The following OMA1 variants were observed in gnomAD, a reference collection of about 807,000 sequenced individuals.
OMA1 encodes metalloendopeptidase OMA1, mitochondrial.
OMA1 carries 38 observed loss-of-function variants against 30.9 expected under a neutral mutation model. That is an observed-to-expected ratio of 1.23 (90% confidence interval 0.95 to 1.61). The LOEUF (loss-of-function observed/expected upper bound fraction) is 1.61. Among genes scored for constraint, OMA1 ranks in the 40% most tolerant of loss-of-function variants. OMA1 has a pLI of 0.00. For synonymous variants in OMA1, 173 were observed against 121.9 expected, an observed-to-expected ratio of 1.42 and a Z score of -2.76; for missense variants, 461 against 349.2, an observed-to-expected ratio of 1.32 and a Z score of -2.55.
At chr1:58,507,250 C>T (rs1333269488) in intron 7 of OMA1, among the ~76,000 whole-genome samples, 1 of 151,446 alleles carries the variant, frequency 6.6e-6, no homozygotes, top group Non-Finnish European at 1.5e-5. Flanking sequence ...TTATATTTCC[C>T]AATGATTTTA....
At chr1:58,542,343 T>C (rs886620487) in intron 1 of OMA1, 3 of 152,238 alleles carry the variant, frequency 2.0e-5, no homozygotes, top group Non-Finnish European at 4.4e-5. Flanking sequence ...AAGGTTTTCA[T>C]TGGCTAGGGG....
At chr1:58,517,286 C>A (rs951046411) in intron 7 of OMA1, among the ~76,000 whole-genome samples, 3 of 152,164 alleles carry the variant, frequency 2.0e-5, no homozygotes, top group Non-Finnish European at 2.9e-5. Flanking sequence ...GAAGTTTCTG[C>A]CTATCCTTCA....
At chr1:58,528,508 C>T (rs61781815) in intron 6 of OMA1, among the ~76,000 whole-genome samples, 20,220 of 152,116 alleles carry the variant, frequency 0.13, 1,486 homozygotes, top group African/African-American at 0.19. Context: ...TTTTGTCCTC[C>T]AGGGACATTT....
chr1:58,491,695 C>A lies in OMA1; in HGVS notation c.1366-10521G>T, dbSNP rs557524563. On this transcript the variant is annotated intron_variant, in intron 8 of 8. Transcript: ENST00000371226. ...GCCACTACATAATGGTAAAGGGATC[C>A]ATTCAACAAGAAGAGCTAACTATCC... Among the ~76,000 whole-genome samples the A allele has an allele frequency of 1.3e-3, 197 of 152,168 alleles. 2 individuals are homozygous for A. Among genetic ancestry groups the A allele is most frequent in the Middle Eastern group, 3.4e-3 (1 of 294 alleles).
Position 58,518,294 on chromosome 1 carries a change from A to G in OMA1, c.1215+8967T>C, listed in dbSNP as rs1395850658. Reference sequence around the variant, plus strand: ...AGAGGAGAGGAGAAGAGAAGAGAAGAGAAGAGAAGAGAAGAGAAGAGAAGA... The same window carrying G: ...AGAGGAGAGGAGAAGAGAAGAGAAGGGAAGAGAAGAGAAGAGAAGAGAAGA... On this transcript the variant is annotated intron_variant, in intron 7 of 8. Transcript: ENST00000371226. Among the ~76,000 whole-genome samples, 25 of 41,754 alleles carry G rather than the reference A, an allele frequency of 6.0e-4. 1 individual carries two copies. The highest frequency in any genetic ancestry group is 0.029 in the Middle Eastern group (2 of 70). 27.4% of individuals were successfully genotyped at this position (41,754 alleles called of 152,430 possible). A position where few individuals can be genotyped will look rare whatever the true frequency, so the allele number is the denominator to read the frequency against.
intron 8 of OMA1, among the ~76,000 whole-genome samples, chr1:58,494,593 C>A: frequency 6.6e-6 from 1 of 152,046 alleles, no homozygotes; most frequent in Non-Finnish European, 1.5e-5. Flanking sequence ...ACAACCCCAT[C>A]AAAAAGTGGG....
chr1:58,516,387 A>AT (rs1646158314), intron 7 of OMA1, among the ~76,000 whole-genome samples: 1 of 152,238 alleles, frequency 6.6e-6, no homozygotes, highest in Non-Finnish European at 1.5e-5. Flanking sequence ...TGACAAATGA[A>AT]TATTCATACC....
At chr1:58,497,550 C>T (rs1050019258) in intron 8 of OMA1, among the ~76,000 whole-genome samples, 1 of 152,206 alleles carries the variant, frequency 6.6e-6, no homozygotes, top group Non-Finnish European at 1.5e-5. Context: ...GCCTCTTTAG[C>T]ATAAGAGTTA....
chr1:58,484,302 C>T (rs1645538223), intron 8 of OMA1, among the ~76,000 whole-genome samples: 1 of 152,178 alleles, frequency 6.6e-6, no homozygotes, highest in African/African-American at 2.4e-5. Flanking sequence ...TTTCTCACCT[C>T]CATTTGGAGA....
intron 1 of OMA1, among the ~76,000 whole-genome samples, chr1:58,540,054 C>T (rs1450448000): frequency 6.6e-6 from 1 of 152,074 alleles, no homozygotes; most frequent in Non-Finnish European, 1.5e-5. Flanking sequence ...GAAAAGATTG[C>T]AGGGAATAAT....
At chr1:58,530,775 C>G (rs746634042) in intron 5 of OMA1, 46 bp from the exon 6 acceptor site, 4 of 848,138 alleles carry the variant, frequency 4.7e-6, no homozygotes, top group Non-Finnish European at 8.2e-6. Flanking sequence ...TACATTGAGA[C>G]AGTATATGCT....
intron 7 of OMA1, among the ~76,000 whole-genome samples, chr1:58,513,075 C>T (rs1055644236): frequency 1.3e-5 from 2 of 152,166 alleles, no homozygotes; most frequent in Admixed American, 1.3e-4. Context: ...ATCTCGTCAA[C>T]AACTGTCATC....
rs1185574637 is a variant in OMA1 at position 58,533,851 on chromosome 1, A to G, written c.1011+102T>C. 29 of 744,002 alleles carry G rather than the reference A, an allele frequency of 3.9e-5. No homozygotes were observed. The South Asian group carries it at 4.2e-4, about 11-fold the overall frequency. The allele number at this position is 744,002 out of a possible 1,614,324, so 46.1% of individuals were successfully genotyped here. A position where few individuals can be genotyped will look rare whatever the true frequency, so the allele number is the denominator to read the frequency against. On this transcript the variant is annotated intron_variant, in intron 5 of 8. Coordinates refer to ENST00000371226, the MANE Select transcript of OMA1 (RefSeq NM_145243.5). The stretch of plus-strand genomic sequence containing the variant: ...GGCAATTACCCAAAACTAAAAGTCT[A>G]TCATTTTTAAAAAACCTGAAAAAAA...
At chr1:58,505,275 T>C (rs1380648795) in intron 8 of OMA1, among the ~76,000 whole-genome samples, 1 of 152,246 alleles carries the variant, frequency 6.6e-6, no homozygotes, top group Non-Finnish European at 1.5e-5. Flanking sequence ...TGTTGTGCTA[T>C]GCCTTAGCAC....
intron 8 of OMA1, among the ~76,000 whole-genome samples, chr1:58,502,368 C>A (rs1332714247): frequency 6.6e-6 from 1 of 152,180 alleles, no homozygotes; most frequent in Admixed American, 6.5e-5. Flanking sequence ...TTACTTTGAT[C>A]TTTTTCTCTA....
chr1:58,486,053 C>G (rs1645571023), intron 8 of OMA1, among the ~76,000 whole-genome samples: 1 of 152,200 alleles, frequency 6.6e-6, no homozygotes, highest in African/African-American at 2.4e-5. Context: ...ATCTACTGTT[C>G]ACTTTCTATG....
chr1:58,480,950 C>A lies in OMA1; in HGVS notation c.*15G>T. The stretch of plus-strand genomic sequence containing the variant: ...GCAACATTCTTCATATATCTTGTGT[C>A]TCATAAATTTTAATTCAACTGCCCG... On this transcript the variant is annotated 3_prime_UTR_variant, in exon 9 of 9. Coordinates refer to ENST00000371226, the MANE Select transcript of OMA1 (RefSeq NM_145243.5). 2 of 848,718 alleles carry A rather than the reference C, an allele frequency of 2.4e-6. No homozygotes were observed. Among genetic ancestry groups the A allele is most frequent in the South Asian group, 1.4e-5 (1 of 72,852 alleles). The allele number at this position is 848,718 out of a possible 1,614,324, so 52.6% of individuals were successfully genotyped here. A position where few individuals can be genotyped will look rare whatever the true frequency, so the allele number is the denominator to read the frequency against.
At chr1:58,536,769 C>G (rs1646522905) in intron 2 of OMA1, 28 bp from the exon 3 acceptor site, 8 of 861,708 alleles carry the variant, frequency 9.3e-6, no homozygotes, top group Non-Finnish European at 1.6e-5. Context: ...ATTCAAAGTT[C>G]TGAAAATCAT....
At chr1:58,518,277 GGAGAAGAGAA>G (rs1278778501) in intron 7 of OMA1, among the ~76,000 whole-genome samples, 8 of 2,404 alleles carry the variant, frequency 3.3e-3, no homozygotes, top group African/African-American at 0.017. Flanking sequence ...AGAGAGGAGA[GGAGAAGAGAA>G]GAGAAGAGAA....
Sources: allele counts gnomAD v4.1 joint callset (sites outside exome capture counted in the v4.1 genomes callset), GRCh38; gene constraint gnomAD v4.1.1; transcripts MANE v1.5; gene names NCBI Gene and HGNC (gene_info 2026-07-23, HGNC 2026-07-21).